Variants in FAM13A observed in about 807,000 individuals in gnomAD.
The protein encoded by FAM13A is protein FAM13A.
In FAM13A, 76 loss-of-function variants were observed where a neutral mutation model predicts 129.6. The ratio of observed to expected loss-of-function variants is 0.59; its 90% confidence interval spans 0.49 to 0.71. FAM13A has a LOEUF of 0.71. Among genes scored for constraint, FAM13A ranks in the 30% least tolerant of loss-of-function variants. The pLI, the probability that FAM13A is intolerant of heterozygous loss-of-function variation, is 0.00. For synonymous variants in FAM13A, 443 were observed against 449.9 expected, an observed-to-expected ratio of 0.98 and a Z score of 0.20; for missense variants, 1,108 against 1,249.3, an observed-to-expected ratio of 0.89 and a Z score of 1.70.
intron 8 of FAM13A, among the ~76,000 whole-genome samples, chr4:88,797,113 A>G (rs1726353396): frequency 6.6e-6 from 1 of 152,078 alleles, no homozygotes; most frequent in Non-Finnish European, 1.5e-5. Flanking sequence ...TCAGATCTCT[A>G]GGTCCTACTA....
rs188906063 is a variant in FAM13A, at chr4:88,874,578, G to T, written c.844-23395C>A. On this transcript the variant is annotated intron_variant, in intron 6 of 23. Coordinates refer to ENST00000264344, the MANE Select transcript of FAM13A (RefSeq NM_014883.4). ...GAATAAAATACCTAGGAATCCAACT[G>T]ACAAGGGACGTGAAGGACCTTTTCA... Among the ~76,000 whole-genome samples, 238 of 152,150 alleles carry T rather than the reference G, an allele frequency of 1.6e-3. 8 individuals are homozygous for T. In the East Asian group the frequency reaches 0.025, roughly 16 times the overall value.
At chr4:88,914,195 T>C (rs1749705147) in intron 5 of FAM13A, among the ~76,000 whole-genome samples, 1 of 152,178 alleles carries the variant, frequency 6.6e-6, no homozygotes, top group African/African-American at 2.4e-5. Flanking sequence ...CTCTTCCCTA[T>C]GTGCACAGTC....
At chr4:88,880,608 T>C (rs911785375) in intron 6 of FAM13A, among the ~76,000 whole-genome samples, 2 of 151,836 alleles carry the variant, frequency 1.3e-5, no homozygotes, top group Admixed American at 6.6e-5. Context: ...AAGGGGGCAT[T>C]GGAATCAGGA....
At chr4:88,845,025 A>G (rs1323327056) in intron 7 of FAM13A, among the ~76,000 whole-genome samples, 1 of 152,212 alleles carries the variant, frequency 6.6e-6, no homozygotes, top group Non-Finnish European at 1.5e-5. Flanking sequence ...TAAGAGTTGA[A>G]GACAGAGGCA....
Position 88,738,959 on chromosome 4 carries a change from C to G in FAM13A, c.2562+71G>C, listed in dbSNP as rs1203479570. The stretch of plus-strand genomic sequence containing the variant: ...CTTTAATGAGAAAGCAGGTTAGGGC[C>G]CTATTCATATATCCAGGGCCCATTC... On this transcript the variant is annotated intron_variant, in intron 20 of 23. Transcript: ENST00000264344. 260 of 926,248 alleles carry G rather than the reference C, an allele frequency of 2.8e-4. 3 individuals are homozygous for G. The highest frequency in any genetic ancestry group is 2.7e-3 in the South Asian group (207 of 76,508). The allele number at this position is 926,248 out of a possible 1,614,324, so 57.4% of individuals were successfully genotyped here.
At chr4:88,868,827 C>T (rs535887448) in intron 6 of FAM13A, among the ~76,000 whole-genome samples, 68 of 152,286 alleles carry the variant, frequency 4.5e-4, no homozygotes, top group Middle Eastern at 3.4e-3. Context: ...TAATCACCTT[C>T]CTCCTTAGTT....
intron 5 of FAM13A, among the ~76,000 whole-genome samples, chr4:88,918,001 A>C (rs763529988): frequency 6.6e-6 from 1 of 152,234 alleles, no homozygotes; most frequent in African/African-American, 2.4e-5. Context: ...GACACTGTTC[A>C]GCTCTCACAC....
chr4:88,795,279 C>A (rs1725929360), intron 8 of FAM13A, among the ~76,000 whole-genome samples: 1 of 151,732 alleles, frequency 6.6e-6, no homozygotes, highest in African/African-American at 2.4e-5. Context: ...TTCTCTAATT[C>A]ATGTTTCCTA....
intron 6 of FAM13A, among the ~76,000 whole-genome samples, chr4:88,866,135 C>T (rs1579022887): frequency 6.6e-6 from 1 of 151,994 alleles, no homozygotes; most frequent in African/African-American, 2.4e-5. Flanking sequence ...GAAACCTCTG[C>T]CACCTGGGTT....
At chr4:89,024,122 A>G (rs776141075) in intron 2 of FAM13A, among the ~76,000 whole-genome samples, 3 of 152,232 alleles carry the variant, frequency 2.0e-5, no homozygotes, top group Non-Finnish European at 4.4e-5. Context: ...TACAACTGAA[A>G]TATTTCTTTC....
chr4:89,013,155 C>T (rs553247844), intron 3 of FAM13A, among the ~76,000 whole-genome samples: 9 of 151,890 alleles, frequency 5.9e-5, no homozygotes, highest in Non-Finnish European at 1.3e-4. Context: ...GCAACGTCCA[C>T]CCTGTACTGT....
At chr4:88,803,000 C>T (rs1252917300) in intron 8 of FAM13A, among the ~76,000 whole-genome samples, 1 of 152,122 alleles carries the variant, frequency 6.6e-6, no homozygotes, top group African/African-American at 2.4e-5. Context: ...TTTGCTGTTC[C>T]ACCTCTTTAT....
At position 88,851,150 on chromosome 4, in the gene FAM13A, C is replaced by A. The variant is rs7680970; in HGVS notation, c.877G>T (p.Ala293Ser). The stretch of plus-strand genomic sequence containing the variant: ...AGCTCTGGTTGCAGTACTCTGTGGG[C>A]CTGAATAGATCCCTCACTCCTGGAT... ...PKSRSEGSIQ[A>S]HRVLQPELSD... The change falls in exon 7 of 24, where the codon GCC becomes TCC. Residue 293 changes from alanine to serine, a missense_variant. Transcript: ENST00000264344. The A allele has an allele frequency of 0.049, 78,586 of 1,611,940 alleles. 2,795 individuals carry two copies. Among genetic ancestry groups the A allele is most frequent in the African/African-American group, 0.19 (14,097 of 74,558 alleles).
intron 4 of FAM13A, among the ~76,000 whole-genome samples, chr4:88,943,631 C>A (rs752466417): frequency 6.6e-6 from 1 of 152,198 alleles, no homozygotes. Context: ...GTCTTCAAGA[C>A]GGTTCACAGA....
At chr4:88,946,741 C>T (rs1257979219) in intron 4 of FAM13A, among the ~76,000 whole-genome samples, 1 of 151,842 alleles carries the variant, frequency 6.6e-6, no homozygotes, top group Non-Finnish European at 1.5e-5. Flanking sequence ...TTTATAAGGA[C>T]TCTGGCTAAG....
chr4:88,851,731 T>C (rs1737597285), intron 6 of FAM13A, among the ~76,000 whole-genome samples: 1 of 152,160 alleles, frequency 6.6e-6, no homozygotes, highest in South Asian at 2.1e-4. Context: ...GTTAAGGTAA[T>C]AAATAGGAAA....
chr4:89,040,243 C>T (rs888691815), intron 1 of FAM13A, among the ~76,000 whole-genome samples: 1 of 152,024 alleles, frequency 6.6e-6, no homozygotes, highest in African/African-American at 2.4e-5. Context: ...TATATACAAA[C>T]ATACAAAGAG....
intron 7 of FAM13A, among the ~76,000 whole-genome samples, chr4:88,815,957 T>G (rs939387650): frequency 2.0e-5 from 3 of 151,194 alleles, no homozygotes; most frequent in African/African-American, 7.3e-5. Flanking sequence ...CTATCTGTAC[T>G]AGGAATAAGA....
intron 5 of FAM13A, among the ~76,000 whole-genome samples, chr4:88,933,880 C>T (rs2704602): frequency 0.16 from 24,164 of 152,190 alleles, 2,124 homozygotes; most frequent in Non-Finnish European, 0.21. Flanking sequence ...AATAGCTTCA[C>T]TTAGAGTAAA....
Sources: allele counts gnomAD v4.1 joint callset (sites outside exome capture counted in the v4.1 genomes callset), GRCh38; gene constraint gnomAD v4.1.1; transcripts MANE v1.5; gene names NCBI Gene and HGNC (gene_info 2026-07-23, HGNC 2026-07-21).